The following VDAC1 variants were observed in gnomAD, a reference collection of about 807,000 sequenced individuals.
VDAC1 encodes the protein voltage dependent anion channel 1.
A neutral mutation model predicts 34.7 loss-of-function variants in VDAC1; 10 were observed. The observed-to-expected ratio is 0.29, with a 90% CI of 0.18 to 0.49. The LOEUF (loss-of-function observed/expected upper bound fraction) is 0.49, where lower values mean the gene tolerates loss of function less well. Ranked by LOEUF, VDAC1 falls within the 20% of genes least tolerant of loss-of-function variation. The pLI, the probability that VDAC1 is intolerant of heterozygous loss-of-function variation, is 0.99. For missense variants in VDAC1, 230 were observed against 347.9 expected, an observed-to-expected ratio of 0.66 and a Z score of 2.69; for synonymous variants, 130 against 136.0, an observed-to-expected ratio of 0.96 and a Z score of 0.30.
chr5:134,033,154 ATTTTT>A, the VDAC1 span, among the ~76,000 whole-genome samples: 2 of 125,420 alleles, frequency 1.6e-5, no homozygotes, highest in African/African-American at 3.1e-5. Context: ...GTAGAAACTA[ATTTTT>A]TTTTTTTTTT....
At chr5:134,062,695 C>T in the VDAC1 span, among the ~76,000 whole-genome samples, 1 of 151,558 alleles carries the variant, frequency 6.6e-6, no homozygotes, top group African/African-American at 2.4e-5. Context: ...GGCGCAATCT[C>T]GGCTCACTGC....
chr5:134,050,949 G>C, the VDAC1 span, among the ~76,000 whole-genome samples: 37 of 152,164 alleles, frequency 2.4e-4, no homozygotes, highest in Non-Finnish European at 4.6e-4. Flanking sequence ...GGCCTCTGGC[G>C]GTTCTTGAGG....
intron 6 of VDAC1, 182 bp from the exon 7 acceptor site, chr5:133,976,203 A>C: frequency 1.5e-6 from 1 of 686,478 alleles, no homozygotes. Context: ...AGGAAGTCTG[A>C]TAAGTATGGA....
At chr5:134,006,475 G>C (rs889461456), upstream of VDAC1, among the ~76,000 whole-genome samples, 12 of 152,148 alleles carry the variant, frequency 7.9e-5, no homozygotes, top group Non-Finnish European at 1.6e-4. Flanking sequence ...GGGTGCAGTG[G>C]CTCAAGCCTG....
chr5:134,034,160 C>G, the VDAC1 span, among the ~76,000 whole-genome samples: 11 of 144,268 alleles, frequency 7.6e-5, no homozygotes, highest in Admixed American at 2.2e-4. Context: ...CTCAGGATCT[C>G]CTGAGGGCTG....
rs577523780 is a variant in VDAC1 at position 133,991,116 on chromosome 5, G to A, written c.156C>T (p.Thr52=). ...TSSGSANTET[T]KVTGSLETKY... ...TGGTTTCCAGACTGCCCGTCACTTT[G>A]GTGGTCTCAGTGTTGGCTGAGCCTG... Residue 52 remains threonine (T), a synonymous_variant, in exon 4 of 9, where the codon ACC becomes ACT. Transcript: ENST00000265333. 28 of 1,613,294 alleles carry A rather than the reference G, an allele frequency of 1.7e-5. No homozygotes were observed. The East Asian group carries it at 5.8e-4, about 33-fold the overall frequency.
At chr5:134,035,391 A>G in the VDAC1 span, among the ~76,000 whole-genome samples, 1 of 152,148 alleles carries the variant, frequency 6.6e-6, no homozygotes, top group Non-Finnish European at 1.5e-5. Context: ...ACACGTGTGC[A>G]CAACAAAACC....
At chr5:134,074,333 T>C in the VDAC1 span, among the ~76,000 whole-genome samples, 1 of 150,710 alleles carries the variant, frequency 6.6e-6, no homozygotes, top group South Asian at 2.1e-4. Flanking sequence ...AATAAATAAA[T>C]AAATAAATAA....
chr5:134,013,322 C>T, the VDAC1 span, among the ~76,000 whole-genome samples: 1 of 152,166 alleles, frequency 6.6e-6, no homozygotes, highest in South Asian at 2.1e-4. Flanking sequence ...GTAGTCTCAG[C>T]TACTCAGGAA....
At chr5:134,041,850 G>A in the VDAC1 span, among the ~76,000 whole-genome samples, 3 of 152,066 alleles carry the variant, frequency 2.0e-5, no homozygotes, top group Non-Finnish European at 2.9e-5. Flanking sequence ...AGAGTAAGGC[G>A]CCATCCTGGC....
At chr5:133,985,899 G>C (rs1752889967) in intron 5 of VDAC1, among the ~76,000 whole-genome samples, 1 of 152,200 alleles carries the variant, frequency 6.6e-6, no homozygotes, top group Non-Finnish European at 1.5e-5. Context: ...CAGGGCCTCT[G>C]ACCAGTGGTG....
At chr5:134,072,081 G>A in the VDAC1 span, among the ~76,000 whole-genome samples, 47 of 152,150 alleles carry the variant, frequency 3.1e-4, no homozygotes, top group African/African-American at 9.6e-4. Flanking sequence ...TGAGCAGCTC[G>A]CCCTAGGGTC....
the VDAC1 span, among the ~76,000 whole-genome samples, chr5:134,037,150 A>T: frequency 6.6e-6 from 1 of 152,218 alleles, no homozygotes; most frequent in Non-Finnish European, 1.5e-5. Flanking sequence ...TGGACACTGC[A>T]GGACAAGAAG....
At chr5:134,102,397 G>A in the VDAC1 span, among the ~76,000 whole-genome samples, 8 of 150,644 alleles carry the variant, frequency 5.3e-5, no homozygotes, top group South Asian at 2.1e-4. Context: ...GGCCTGGCGC[G>A]GTGGCTCAAG....
chr5:133,995,519 G>C (rs976330348), intron 1 of VDAC1, among the ~76,000 whole-genome samples: 1 of 152,058 alleles, frequency 6.6e-6, no homozygotes, highest in Non-Finnish European at 1.5e-5. Context: ...TGGCTGAATG[G>C]AGTCAAGTCC....
the VDAC1 span, among the ~76,000 whole-genome samples, chr5:134,027,380 G>A: frequency 6.6e-6 from 1 of 152,182 alleles, no homozygotes; most frequent in Admixed American, 6.5e-5. Context: ...GAGCAGCAAG[G>A]TGTGCAGGCG....
At chr5:134,057,677 G>A in the VDAC1 span, among the ~76,000 whole-genome samples, 68 of 146,260 alleles carry the variant, frequency 4.6e-4, no homozygotes, top group Admixed American at 2.1e-3. Flanking sequence ...AAACAAGAGC[G>A]AAACTCCATC....
chr5:134,021,079 G>A, the VDAC1 span, among the ~76,000 whole-genome samples: 4 of 151,810 alleles, frequency 2.6e-5, no homozygotes, highest in African/African-American at 9.7e-5. Flanking sequence ...GAAGTGGGAG[G>A]ATCACCTGAG....
chr5:134,089,856 G>GT, the VDAC1 span, among the ~76,000 whole-genome samples: 1 of 152,170 alleles, frequency 6.6e-6, no homozygotes, highest in Non-Finnish European at 1.5e-5. Flanking sequence ...GCCAGGCATG[G>GT]TGGCGCATGC....
Sources: gnomAD v4.1 joint callset for allele counts (sites outside exome capture counted in the v4.1 genomes callset) on GRCh38, gnomAD v4.1.1 for gene constraint, MANE v1.5 for transcripts, NCBI Gene and HGNC (gene_info 2026-07-23, HGNC 2026-07-21) for gene names.